Variants in E2F3 observed in about 807,000 individuals in gnomAD.
The protein encoded by E2F3 is E2F transcription factor 3.
Under a neutral mutation model 44.4 loss-of-function variants are expected in E2F3, and 11 were observed. The ratio of observed to expected loss-of-function variants is 0.25; its 90% CI spans 0.16 to 0.41. The LOEUF (loss-of-function observed/expected upper bound fraction) is 0.41. E2F3 is among the 10% of genes least tolerant of loss of function. The pLI is 1.00. For synonymous variants in E2F3, 249 were observed against 253.0 expected (o/e 0.98, Z 0.15); for missense variants, 487 against 583.6 (o/e 0.83, Z 1.70).
rs1318417713 is a variant in E2F3, at chr6:20,481,497, A to G, written c.725+72A>G. On this transcript the variant is annotated intron_variant, in intron 3 of 6. Transcript: ENST00000346618. ...AAACTGCCTGGTTTCTTAGTTCCTC[A>G]CTTTCACATCCACGCCCACACGTTC... 4 of 1,330,644 alleles carry G rather than the reference A, an allele frequency of 3.0e-6. No individual in the cohort carries two copies. In the African/African-American group the frequency reaches 5.8e-5, roughly 19 times the overall value. 82.4% of individuals were successfully genotyped at this position (1,330,644 alleles called of 1,614,324 possible).
intron 1 of E2F3, among the ~76,000 whole-genome samples, chr6:20,473,028 G>A (rs1205473091): frequency 6.6e-6 from 1 of 152,160 alleles, no homozygotes; most frequent in Non-Finnish European, 1.5e-5. Context: ...GATAGTCTAG[G>A]TAAATACAAG....
chr6:20,492,029 C>G lies in E2F3; in HGVS notation c.*1599C>G, dbSNP rs531531614. 6.3e-4 allele frequency: 121 copies of G among 193,176 alleles called. No homozygotes were observed. The highest frequency in any genetic ancestry group is 2.7e-3 in the African/African-American group (115 of 43,088). The allele number at this position is 193,176 out of a possible 1,614,324, so 12.0% of individuals were successfully genotyped here. A position where few individuals can be genotyped will look rare whatever the true frequency, so the allele number is the denominator to read the frequency against. On this transcript the variant is annotated 3_prime_UTR_variant, in exon 7 of 7. Coordinates refer to ENST00000346618, the MANE Select transcript of E2F3 (RefSeq NM_001949.5). ...CTAAGGACTGCGGGAATGAGGGAGT[C>G]AGATAAAGAACAAACCTCGAAACGA...
At chr6:20,484,803 T>C (rs966235732) in intron 4 of E2F3, among the ~76,000 whole-genome samples, 2 of 152,122 alleles carry the variant, frequency 1.3e-5, no homozygotes, top group African/African-American at 2.4e-5. Flanking sequence ...AAGAAGCTAC[T>C]ACAGCCAGGC....
intron 1 of E2F3, among the ~76,000 whole-genome samples, chr6:20,430,981 C>T (rs918209982): frequency 3.9e-5 from 6 of 152,030 alleles, no homozygotes; most frequent in East Asian, 3.9e-4. Flanking sequence ...GCCAAGATGG[C>T]GCCACTGCAG....
intron 1 of E2F3, among the ~76,000 whole-genome samples, chr6:20,410,695 C>T (rs946438491): frequency 5.3e-5 from 8 of 152,226 alleles, no homozygotes; most frequent in Non-Finnish European, 8.8e-5. Flanking sequence ...CTTGGCTCAC[C>T]GCAACCTCTG....
intron 1 of E2F3, among the ~76,000 whole-genome samples, chr6:20,441,798 C>T (rs529279912): frequency 6.6e-6 from 1 of 150,844 alleles, no homozygotes; most frequent in African/African-American, 2.4e-5. Context: ...GAACTCCTTA[C>T]CTCAAGCCAT....
chr6:20,435,193 G>C (rs538471096), intron 1 of E2F3, among the ~76,000 whole-genome samples: 25 of 152,254 alleles, frequency 1.6e-4, no homozygotes, highest in Non-Finnish European at 2.9e-4. Context: ...CATGCCCCAA[G>C]TCTCCAACTC....
chr6:20,462,855 CTCTCTTTTTTT>C (rs566508161), intron 1 of E2F3, among the ~76,000 whole-genome samples: 200 of 114,974 alleles, frequency 1.7e-3, no homozygotes, highest in Non-Finnish European at 2.6e-3. Flanking sequence ...CTTTCTCTCT[CTCTCTTTTTTT>C]TTTTTTTTTT....
chr6:20,433,281 G>A (rs1376984435), intron 1 of E2F3, among the ~76,000 whole-genome samples: 1 of 152,164 alleles, frequency 6.6e-6, no homozygotes, highest in African/African-American at 2.4e-5. Context: ...CCAAGTGCCT[G>A]TCTGTGTCGT....
At chr6:20,444,764 T>G (rs1304673763) in intron 1 of E2F3, among the ~76,000 whole-genome samples, 1 of 152,194 alleles carries the variant, frequency 6.6e-6, no homozygotes, top group African/African-American at 2.4e-5. Context: ...ACATTTTTTA[T>G]AACTACTCGA....
chr6:20,489,148 A>G (rs1762484862), intron 6 of E2F3, among the ~76,000 whole-genome samples: 1 of 152,184 alleles, frequency 6.6e-6, no homozygotes. Flanking sequence ...CAGCAAGAAT[A>G]AGGGTGATTT....
At chr6:20,433,669 G>T (rs986745018) in intron 1 of E2F3, among the ~76,000 whole-genome samples, 8 of 152,082 alleles carry the variant, frequency 5.3e-5, no homozygotes, top group African/African-American at 1.9e-4. Context: ...ATTACTGTAT[G>T]ATAAATTGCT....
rs868003613 is a variant in E2F3 at position 20,402,381 on chromosome 6, C to G, written c.149C>G (p.Ala50Gly). ...ASPGFAAAAA[A>G]AAAPGAYIQI... ...CCCGGCTTCGCCGCCGCCGCCGCCG[C>G]TGCCGCCGCCCCGGGCGCGTACATC... Residue 50 changes from alanine (A) to glycine (G), a missense_variant, in exon 1 of 7, where the codon GCT (alanine) becomes GGT (glycine). This residue lies in a region of E2F3 where 238 missense variants were observed against 236.0 expected (regional missense o/e 1.01). Transcript: ENST00000346618. The surrounding 1 kb of genome is among the most constrained non-coding windows in gnomAD (Gnocchi z 5.6). The G allele has an allele frequency of 6.2e-7, 1 of 1,609,784 alleles. No homozygotes were observed. The highest frequency in any genetic ancestry group is 1.3e-5 in the African/African-American group (1 of 74,738).
intron 6 of E2F3, among the ~76,000 whole-genome samples, chr6:20,489,363 T>G (rs979015114): frequency 2.0e-5 from 3 of 152,270 alleles, no homozygotes; most frequent in Admixed American, 6.5e-5. Flanking sequence ...ATAGGGAGGC[T>G]GGGGTGGCAG....
chr6:20,436,298 G>A (rs965739416), intron 1 of E2F3, among the ~76,000 whole-genome samples: 5 of 152,092 alleles, frequency 3.3e-5, no homozygotes, highest in Non-Finnish European at 7.4e-5. Context: ...TTGTCTTTAC[G>A]ATAGAGGAAT....
chr6:20,418,347 C>T (rs1243943784), intron 1 of E2F3, among the ~76,000 whole-genome samples: 1 of 152,176 alleles, frequency 6.6e-6, no homozygotes, highest in Admixed American at 6.5e-5. Context: ...TTAAGTCTTG[C>T]TTTTTATTTC....
At chr6:20,432,310 G>A (rs1192286774) in intron 1 of E2F3, among the ~76,000 whole-genome samples, 1 of 152,202 alleles carries the variant, frequency 6.6e-6, no homozygotes, top group East Asian at 1.9e-4. Context: ...TGGAGGCCAT[G>A]GTGTTCGTTG....
chr6:20,481,165 C>G, intron 2 of E2F3, 41 bp from the exon 3 acceptor site: 1 of 1,584,646 alleles, frequency 6.3e-7, no homozygotes. Context: ...CTTTACCTTT[C>G]CCCCTATCCC....
chr6:20,413,947 G>A (rs1759757977), intron 1 of E2F3, among the ~76,000 whole-genome samples: 1 of 152,158 alleles, frequency 6.6e-6, no homozygotes, highest in South Asian at 2.1e-4. Flanking sequence ...GAATGGGTGA[G>A]GCCAAGCTTC....
Sources: gnomAD v4.1 joint callset for allele counts (sites outside exome capture counted in the v4.1 genomes callset) on GRCh38, gnomAD v4.1.1 for gene constraint, gnomAD v4.1.1 regional missense constraint, Gnocchi (gnomAD v3.1) non-coding constraint, MANE v1.5 for transcripts, NCBI Gene and HGNC (gene_info 2026-07-23, HGNC 2026-07-21) for gene names.